Variants in TMX4 observed in about 807,000 individuals in gnomAD.
TMX4 encodes the protein thioredoxin-related transmembrane protein 4.
Under a neutral mutation model 33.3 loss-of-function variants are expected in TMX4, and 23 were observed. The ratio of observed to expected loss-of-function variants is 0.69; its 90% CI spans 0.50 to 0.98. The LOEUF is 0.98. Ranked by LOEUF, TMX4 falls within the 50% of genes least tolerant of loss-of-function variation. TMX4 has a pLI of 0.00. For missense variants in TMX4, 399 were observed against 448.9 expected, an observed-to-expected ratio of 0.89 and a Z score of 1.01; for synonymous variants, 164 against 161.5, an observed-to-expected ratio of 1.02 and a Z score of -0.12.
In TMX4 at chr20:7,982,126, C is replaced by T; in HGVS notation, c.*125G>A. 1.0e-6 allele frequency: 1 copy of T among 996,866 alleles called. No homozygotes were observed. Among genetic ancestry groups the T allele is most frequent in the Non-Finnish European group, 1.4e-6 (1 of 693,714 alleles). The allele number at this position is 996,866 out of a possible 1,614,324, so 61.8% of individuals were successfully genotyped here. A position where few individuals can be genotyped will look rare whatever the true frequency, so the allele number is the denominator to read the frequency against. On this transcript the variant is annotated 3_prime_UTR_variant, in exon 8 of 8. Coordinates refer to ENST00000246024, the MANE Select transcript of TMX4 (RefSeq NM_021156.4). The stretch of plus-strand genomic sequence containing the variant: ...GGCTTACTGCCATGAGACCAAATGA[C>T]TAGAGAGCATCTTTTAAGAGAAGCT...
intron 6 of TMX4, among the ~76,000 whole-genome samples, chr20:7,984,561 A>T (rs1359862290): frequency 6.6e-6 from 1 of 152,210 alleles, no homozygotes; most frequent in Non-Finnish European, 1.5e-5. Flanking sequence ...TGAAAACCTT[A>T]CCTTTTAATG....
chr20:8,010,315 A>G lies in TMX4; in HGVS notation c.177T>C (p.Phe59=), dbSNP rs1420357167. Residue 59 remains phenylalanine, a splice_region_variant and synonymous_variant, in exon 2 of 8, where the codon TTT becomes TTC. Coordinates refer to ENST00000246024, the MANE Select transcript of TMX4 (RefSeq NM_021156.4). ...LVMEGEWMLK[F]YAPWCPSCQQ... is the part of the protein sequence containing the mutation. ...GGCAGGATGGACACCATGGGGCGTA[A>G]CTATAAGAGAAGAATAAGAATTATA... The G allele has an allele frequency of 5.0e-6, 8 of 1,598,166 alleles. No individual in the cohort carries two copies. Among genetic ancestry groups the G allele is most frequent in the Non-Finnish European group, 6.8e-6 (8 of 1,170,974 alleles).
intron 1 of TMX4, among the ~76,000 whole-genome samples, chr20:8,012,886 C>T (rs1159584710): frequency 6.6e-6 from 1 of 152,000 alleles, no homozygotes; most frequent in Non-Finnish European, 1.5e-5. Context: ...CATTATTTCA[C>T]AGATTTAATC....
chr20:8,019,608 C>G lies in TMX4; in HGVS notation c.6G>C (p.Ala2=), dbSNP rs1410609779. Residue 2 remains alanine (A), a synonymous_variant, in exon 1 of 8, where the codon GCG becomes GCC. Transcript: ENST00000246024. ...TTAGCTGCGGGCCGCAGCGCCCACC[C>G]GCCATGTTGGGCGCCGAGCGAGGCT... M[A]GGRCGPQLTA... is the part of the protein sequence containing the mutation. 2 of 1,346,258 alleles carry G rather than the reference C, an allele frequency of 1.5e-6. No homozygotes were observed. Among genetic ancestry groups the G allele is most frequent in the Non-Finnish European group, 1.9e-6 (2 of 1,048,842 alleles). 83.4% of individuals were successfully genotyped at this position (1,346,258 alleles called of 1,614,324 possible). A position where few individuals can be genotyped will look rare whatever the true frequency, so the allele number is the denominator to read the frequency against.
rs575712282 is a variant in TMX4 at position 7,985,866 on chromosome 20, AG to A, written c.615+1421del. ...AGGTTTCCAAAGGAATCTAAGGCAT[AG>A]GCAGGCAGGCCTGACTCAATTTCAT... is the stretch of plus-strand genomic sequence containing the variant. On this transcript the variant is annotated intron_variant, in intron 6 of 7. Transcript: ENST00000246024. Among the ~76,000 whole-genome samples, 7 of 152,326 alleles carry A rather than the reference AG, an allele frequency of 4.6e-5. No individual in the cohort carries two copies. The East Asian group carries it at 1.3e-3, about 29-fold the overall frequency.
Position 7,981,698 on chromosome 20 carries a change from C to T in TMX4, c.*553G>A, listed in dbSNP as rs966143216. ...TAAAGGTAAGAAATAAAACATAGCA[C>T]AGGAGATTCAGAGGGCTGGGATGAC... On this transcript the variant is annotated 3_prime_UTR_variant, in exon 8 of 8. Transcript: ENST00000246024. The T allele has an allele frequency of 6.5e-6, 1 of 152,680 alleles. No individual in the cohort carries two copies. The highest frequency in any genetic ancestry group is 1.5e-5 in the Non-Finnish European group (1 of 68,428). 9.5% of individuals were successfully genotyped at this position (152,680 alleles called of 1,614,324 possible).
chr20:7,996,781 T>C (rs954066044), intron 4 of TMX4, among the ~76,000 whole-genome samples: 33 of 152,180 alleles, frequency 2.2e-4, no homozygotes, highest in Admixed American at 1.8e-3. Context: ...CATATGAACA[T>C]GCTCTACTCT....
intron 3 of TMX4, 92 bp downstream of exon 3, chr20:8,001,404 A>G (rs1209694297): frequency 7.0e-6 from 9 of 1,284,648 alleles, no homozygotes; most frequent in African/African-American, 1.5e-5. Context: ...GTTAAGCTGA[A>G]TGAGTGGCAG....
chr20:8,016,288 C>CT (rs1416772323), intron 1 of TMX4, among the ~76,000 whole-genome samples: 1 of 152,174 alleles, frequency 6.6e-6, no homozygotes, highest in African/African-American at 2.4e-5. Flanking sequence ...AGGAGAATTG[C>CT]TTGAGCCCGG....
At chr20:8,019,382 G>T in intron 1 of TMX4, 56 bp downstream of exon 1, 1 of 1,490,960 alleles carries the variant, frequency 6.7e-7, no homozygotes, top group South Asian at 1.3e-5. Flanking sequence ...GCGCGGGCTT[G>T]GGAGGGTGAC....
Position 7,987,302 on chromosome 20 carries a change from G to C in TMX4, c.601C>G (p.Leu201Val), listed in dbSNP as rs2050634926. 1 of 1,588,500 alleles carries C rather than the reference G, an allele frequency of 6.3e-7. No individual in the cohort carries two copies. Among genetic ancestry groups the C allele is most frequent in the African/African-American group, 1.4e-5 (1 of 73,026 alleles). ...TTATCTCTTACCAGACCCATAAAAA[G>C]GCCAAAAACCAAGGTGGCTATGACG... ...FFVIATLVFG[L>V]FMGLVLVVIS... Residue 201 changes from leucine (L) to valine (V), a missense_variant, in exon 6 of 8, where the codon CTT (leucine) becomes GTT (valine). Transcript: ENST00000246024.
In TMX4 at chr20:7,987,399, G is replaced by A; in HGVS notation, c.514-10C>T. ...AATAGTTGTGAAGATGCTGGAATCA[G>A]AAGAAAAAAAATAAAACATTAATTT... On this transcript the variant is annotated splice_polypyrimidine_tract_variant and intron_variant, in intron 5 of 7. Transcript: ENST00000246024. The A allele has an allele frequency of 1.9e-6, 3 of 1,552,000 alleles. No homozygotes were observed. The highest frequency in any genetic ancestry group is 2.6e-6 in the Non-Finnish European group (3 of 1,156,434).
rs891643997 is a variant in TMX4 at position 7,980,136 on chromosome 20, T to C, written c.*2115A>G. 2 of 152,206 alleles carry C rather than the reference T, an allele frequency of 1.3e-5. No homozygotes were observed. The highest frequency in any genetic ancestry group is 2.9e-5 in the Non-Finnish European group (2 of 68,040). 9.4% of individuals were successfully genotyped at this position (152,206 alleles called of 1,614,324 possible). ...TTGTTGGAACGGAATGTTCAACCTG[T>C]ACTATTTGGGGTCCGGTTGGAAATT... is the stretch of plus-strand genomic sequence containing the variant. On this transcript the variant is annotated 3_prime_UTR_variant, in exon 8 of 8. Coordinates refer to ENST00000246024, the MANE Select transcript of TMX4 (RefSeq NM_021156.4).
chr20:7,979,189 A>G lies in TMX4; in HGVS notation c.*3062T>C, dbSNP rs2050594141. On this transcript the variant is annotated 3_prime_UTR_variant, in exon 8 of 8. Transcript: ENST00000246024. ...AAACTCTTATCGAAATGTTCATATA[A>G]AGTTTAAATTATTTCAGGTTGGCTT... 6.6e-6 allele frequency: 1 copy of G among 152,132 alleles called. No individual in the cohort carries two copies. Among genetic ancestry groups the G allele is most frequent in the South Asian group, 2.1e-4 (1 of 4,824 alleles). 9.4% of individuals were successfully genotyped at this position (152,132 alleles called of 1,614,324 possible). A position where few individuals can be genotyped will look rare whatever the true frequency, so the allele number is the denominator to read the frequency against.
chr20:7,987,983 T>C (rs1178260511), intron 5 of TMX4, among the ~76,000 whole-genome samples: 1 of 152,184 alleles, frequency 6.6e-6, no homozygotes, highest in Admixed American at 6.6e-5. Context: ...AGAGTGTATA[T>C]CCCTTCATGC....
At position 7,978,185 on chromosome 20, in the gene TMX4, A is replaced by T. The variant is rs967294353; in HGVS notation, c.*4066T>A. ...TAATACTGACAGAAATAACACTGTA[A>T]CACCAAGATGAGGGACACAGATAAC... On this transcript the variant is annotated 3_prime_UTR_variant, in exon 8 of 8. Coordinates refer to ENST00000246024, the MANE Select transcript of TMX4 (RefSeq NM_021156.4). 15 of 152,230 alleles carry T rather than the reference A, an allele frequency of 9.9e-5. No individual in the cohort carries two copies. Among genetic ancestry groups the T allele is most frequent in the Admixed American group, 6.5e-4 (10 of 15,278 alleles). 9.4% of individuals were successfully genotyped at this position (152,230 alleles called of 1,614,324 possible).
intron 2 of TMX4, among the ~76,000 whole-genome samples, chr20:8,009,279 C>A (rs2050742737): frequency 6.6e-6 from 1 of 152,044 alleles, no homozygotes; most frequent in African/African-American, 2.4e-5. Context: ...CTGTATCACT[C>A]CACTCTTTGG....
At chr20:7,990,195 T>C (rs1293813198) in intron 5 of TMX4, among the ~76,000 whole-genome samples, 1 of 151,648 alleles carries the variant, frequency 6.6e-6, no homozygotes, top group Non-Finnish European at 1.5e-5. Flanking sequence ...TTTGGGAGAC[T>C]GGGGCAGGAG....
At chr20:7,999,942 T>G in intron 3 of TMX4, 82 bp from the exon 4 acceptor site, 1 of 1,438,666 alleles carries the variant, frequency 7.0e-7, no homozygotes, top group Non-Finnish European at 9.4e-7. Context: ...TAGCTACTGG[T>G]GATACATCTG....
Sources: allele counts gnomAD v4.1 joint callset (sites outside exome capture counted in the v4.1 genomes callset), GRCh38; gene constraint gnomAD v4.1.1; transcripts MANE v1.5; gene names NCBI Gene and HGNC (gene_info 2026-07-23, HGNC 2026-07-21).